The following SGCZ variants were observed in gnomAD, a reference collection of about 807,000 sequenced individuals.
SGCZ encodes the protein zeta-sarcoglycan.
A neutral mutation model predicts 41.3 loss-of-function variants in SGCZ; 40 were observed. That is an observed-to-expected ratio of 0.97 (90% CI 0.75 to 1.26). The LOEUF is 1.26. Among genes scored for constraint, SGCZ ranks in the 50% most tolerant of loss-of-function variants. SGCZ has a pLI of 0.00. For synonymous variants in SGCZ, 206 were observed against 137.5 expected (o/e 1.50, Z -3.49); for missense variants, 552 against 369.8 (o/e 1.49, Z -4.04).
At chr8:14,286,238 G>C (rs935653507) in intron 3 of SGCZ, among the ~76,000 whole-genome samples, 3 of 152,166 alleles carry the variant, frequency 2.0e-5, no homozygotes, top group African/African-American at 7.2e-5. Context: ...TTTGTCTATA[G>C]CATATTTTTC....
At chr8:14,118,304 C>T (rs1159438538) in intron 5 of SGCZ, among the ~76,000 whole-genome samples, 2 of 152,056 alleles carry the variant, frequency 1.3e-5, no homozygotes, top group Non-Finnish European at 1.5e-5. Flanking sequence ...TTTTGATTTG[C>T]ATTTCTCTAA....
At chr8:14,727,513 T>A (rs1022251079) in intron 1 of SGCZ, among the ~76,000 whole-genome samples, 2 of 148,808 alleles carry the variant, frequency 1.3e-5, no homozygotes, top group Non-Finnish European at 2.9e-5. Flanking sequence ...TGTACAATAA[T>A]GCTTTTTTTT....
intron 4 of SGCZ, among the ~76,000 whole-genome samples, chr8:14,227,502 C>A (rs1310310676): frequency 6.6e-6 from 1 of 152,000 alleles, no homozygotes; most frequent in Non-Finnish European, 1.5e-5. Context: ...ATAGAGGGAT[C>A]ATATAGTATT....
chr8:14,432,913 C>T (rs1799984328), intron 2 of SGCZ, among the ~76,000 whole-genome samples: 1 of 20,388 alleles, frequency 4.9e-5, no homozygotes, highest in Non-Finnish European at 8.9e-5. Context: ...GACTGTGTCT[C>T]CAAAAAAAAA....
intron 2 of SGCZ, among the ~76,000 whole-genome samples, chr8:14,359,324 G>A (rs1047322942): frequency 5.3e-5 from 8 of 152,096 alleles, no homozygotes; most frequent in African/African-American, 1.7e-4. Flanking sequence ...ACACTATCCA[G>A]ACAGAAAATC....
At chr8:14,124,701 A>C (rs371619701) in intron 5 of SGCZ, among the ~76,000 whole-genome samples, 2 of 152,200 alleles carry the variant, frequency 1.3e-5, no homozygotes, top group South Asian at 2.1e-4. Context: ...GATTTAGTTA[A>C]GAAAGTTACA....
intron 5 of SGCZ, among the ~76,000 whole-genome samples, chr8:14,159,312 C>CTG (rs1214371270): frequency 6.6e-6 from 1 of 151,970 alleles, no homozygotes; most frequent in Non-Finnish European, 1.5e-5. Context: ...CCCATTTCAC[C>CTG]TGTTATTTAA....
chr8:14,240,765 T>A (rs75567645), intron 3 of SGCZ, among the ~76,000 whole-genome samples: 4,557 of 152,322 alleles, frequency 0.03, 235 homozygotes, highest in African/African-American at 0.1. Flanking sequence ...ACATAATCAT[T>A]TCTGTATTTT....
intron 1 of SGCZ, among the ~76,000 whole-genome samples, chr8:14,979,597 G>T (rs769426872): frequency 4.6e-5 from 7 of 152,102 alleles, no homozygotes; most frequent in Non-Finnish European, 7.4e-5. Context: ...AGCAACCTTG[G>T]CCATAAACTG....
intron 1 of SGCZ, among the ~76,000 whole-genome samples, chr8:15,235,676 A>G (rs1351094677): frequency 6.6e-6 from 1 of 152,166 alleles, no homozygotes; most frequent in African/African-American, 2.4e-5. Context: ...TTAAACAACA[A>G]TGTATTGGCA....
At chr8:14,241,824 T>C (rs912181744) in intron 3 of SGCZ, among the ~76,000 whole-genome samples, 19 of 152,226 alleles carry the variant, frequency 1.2e-4, no homozygotes, top group African/African-American at 4.6e-4. Flanking sequence ...ATGGCTGCAA[T>C]TTTCTAACTG....
At chr8:14,736,422 AC>A (rs1799031466) in intron 1 of SGCZ, among the ~76,000 whole-genome samples, 1 of 152,190 alleles carries the variant, frequency 6.6e-6, no homozygotes, top group Non-Finnish European at 1.5e-5. Flanking sequence ...TTGTTTCCAG[AC>A]ATTTCAAACG....
At chr8:14,161,165 A>G (rs1277246791) in intron 5 of SGCZ, 2 of 152,218 alleles carry the variant, frequency 1.3e-5, no homozygotes, top group Non-Finnish European at 2.9e-5. Flanking sequence ...GCACTGCTTT[A>G]AAGTATATGT....
intron 1 of SGCZ, among the ~76,000 whole-genome samples, chr8:14,779,140 C>A (rs944736862): frequency 6.6e-6 from 1 of 152,204 alleles, no homozygotes; most frequent in Non-Finnish European, 1.5e-5. Context: ...CTTTTGGTCT[C>A]CATGCCTTTT....
chr8:14,952,846 T>C (rs1302072298), intron 1 of SGCZ, among the ~76,000 whole-genome samples: 1 of 152,164 alleles, frequency 6.6e-6, no homozygotes, highest in Non-Finnish European at 1.5e-5. Flanking sequence ...AAAGATGTCC[T>C]GATACAAAGT....
rs1805966240 is a variant in SGCZ at position 14,215,593 on chromosome 8, C to T, written c.424+21999G>A. 3.3e-5 allele frequency among the ~76,000 whole-genome samples: 5 copies of T among 151,754 alleles called. No homozygotes were observed. In the South Asian group the frequency reaches 1.0e-3, roughly 32 times the overall value. ...TTGTTTGAAAAAAATTTAAGCCATT[C>T]AAGATTTACAAAGATGAAAAAAGAG... On this transcript the variant is annotated intron_variant, in intron 4 of 7. Transcript: ENST00000382080.
intron 1 of SGCZ, among the ~76,000 whole-genome samples, chr8:14,879,490 G>A (rs1434058106): frequency 1.3e-5 from 2 of 151,666 alleles, no homozygotes; most frequent in Non-Finnish European, 2.9e-5. Context: ...ACACTCTTGG[G>A]AAGTATCTCC....
Position 14,784,902 on chromosome 8 carries a change from C to CAAAA in SGCZ, c.40-229980_40-229977dup, listed in dbSNP as rs1182679983. Among the ~76,000 whole-genome samples, 234 of 39,524 alleles carry CAAAA rather than the reference C, an allele frequency of 5.9e-3. 9 individuals are homozygous for CAAAA. The highest frequency in any genetic ancestry group is 0.017 in the African/African-American group (133 of 7,714). 25.9% of individuals were successfully genotyped at this position (39,524 alleles called of 152,430 possible). Reference sequence around the variant, plus strand: ...GGGTAACAAGAGTGAAACTCTGCCTCAAAAAAAAAAAATATATATATATAT... The same window carrying CAAAA: ...GGGTAACAAGAGTGAAACTCTGCCTCAAAAAAAAAAAAAAAATATATATATATAT... On this transcript the variant is annotated intron_variant, in intron 1 of 7. Transcript: ENST00000382080.
At chr8:15,145,060 A>G (rs1180903928) in intron 1 of SGCZ, among the ~76,000 whole-genome samples, 3 of 152,136 alleles carry the variant, frequency 2.0e-5, no homozygotes, top group Admixed American at 6.5e-5. Context: ...TTTTTACTTC[A>G]TCTTTAAATG....
Sources: allele counts gnomAD v4.1 joint callset (sites outside exome capture counted in the v4.1 genomes callset), GRCh38; gene constraint gnomAD v4.1.1; transcripts MANE v1.5; gene names NCBI Gene and HGNC (gene_info 2026-07-23, HGNC 2026-07-21).